Variants in ZNF185 observed in about 807,000 individuals in gnomAD.
ZNF185 encodes the protein zinc finger protein 185.
A neutral mutation model predicts 58.6 loss-of-function variants in ZNF185; 56 were observed. The ratio of observed to expected loss-of-function variants is 0.95; its 90% CI spans 0.77 to 1.19. The LOEUF (loss-of-function observed/expected upper bound fraction) is 1.19, where lower values mean the gene tolerates loss of function less well. Ranked by LOEUF, ZNF185 falls within the 50% of genes most tolerant of loss-of-function variation. The probability of loss-of-function intolerance (pLI) is 0.00; values close to 1 mark genes in which losing one functional copy is unlikely to be tolerated. For synonymous variants in ZNF185, 230 were observed against 215.9 expected (o/e 1.07, Z -0.57); for missense variants, 627 against 573.5 (o/e 1.09, Z -0.95).
At chrX:152,916,322 A>C (rs1225096783) in intron 3 of ZNF185, among the ~76,000 whole-genome samples, 2 of 110,701 alleles carry the variant, frequency 1.8e-5, no homozygotes, top group East Asian at 5.7e-4. Context: ...CTCCTCCCCT[A>C]ACTCTGAGGA....
the ZNF185 span, among the ~76,000 whole-genome samples, chrX:152,901,238 CTTTTTT>C: frequency 6.2e-5 from 6 of 96,450 alleles, no homozygotes; most frequent in African/African-American, 2.4e-4. Flanking sequence ...TTTGTTTTCA[CTTTTTT>C]TTTTTTTTTT....
At chrX:152,908,269 G>A in the ZNF185 span, among the ~76,000 whole-genome samples, 2 of 112,672 alleles carry the variant, frequency 1.8e-5, no homozygotes, top group Non-Finnish European at 3.7e-5. Flanking sequence ...CAGAGGAAGA[G>A]GAAGACTGGA....
intron 11 of ZNF185, among the ~76,000 whole-genome samples, chrX:152,926,800 A>ACCACAC (rs1459586271): frequency 2.7e-5 from 3 of 111,885 alleles, no homozygotes; most frequent in African/African-American, 9.8e-5. Context: ...GTGGCTTAAA[A>ACCACAC]CCACACGCAT....
chrX:152,922,336 G>A (rs1303088699), intron 10 of ZNF185, 80 bp downstream of exon 11: 3 of 947,191 alleles, frequency 3.2e-6, no homozygotes, highest in Non-Finnish European at 4.4e-6. Context: ...CTCAGTCAGG[G>A]CACCTCCATG....
chrX:152,940,487 T>C (rs1400746765), intron 15 of ZNF185, among the ~76,000 whole-genome samples: 1 of 110,140 alleles, frequency 9.1e-6, no homozygotes, highest in Non-Finnish European at 1.9e-5. Flanking sequence ...GATTGGCAAT[T>C]GGTTGAAAGA....
rs782606240 is a variant in ZNF185 at position 152,944,833 on chromosome X, A to G, written c.1212-434A>G. On this transcript the variant is annotated intron_variant, in intron 15 of 22. Coordinates refer to ENST00000449285, the Ensembl canonical transcript of ZNF185. ...AACCTTGTCTCTACAGAAAAAAAAA[A>G]AAATACAAAAATTAGCTGGGCGTGG... is the stretch of plus-strand genomic sequence containing the variant. Among the ~76,000 whole-genome samples, 6 of 111,596 alleles carry G rather than the reference A, an allele frequency of 5.4e-5. No homozygotes were observed. In the East Asian group the frequency reaches 1.7e-3, roughly 31 times the overall value.
At chrX:152,946,906 C>T (rs782199606) in intron 16 of ZNF185, among the ~76,000 whole-genome samples, 181 of 111,227 alleles carry the variant, frequency 1.6e-3, no homozygotes, top group African/African-American at 5.6e-3. Flanking sequence ...TGGGAGCCAC[C>T]GATGGTTTTC....
intron 14 of ZNF185, among the ~76,000 whole-genome samples, chrX:152,937,695 T>C (rs782360849): frequency 2.7e-5 from 3 of 112,339 alleles, no homozygotes; most frequent in Admixed American, 9.3e-5. Context: ...ATATAAGAAG[T>C]GGAGGTGTGC....
the ZNF185 span, among the ~76,000 whole-genome samples, chrX:152,903,814 G>T: frequency 9.0e-6 from 1 of 111,596 alleles, no homozygotes; most frequent in Non-Finnish European, 1.9e-5. Context: ...CCCAAGGAGC[G>T]GTGGGTGGCC....
exon 11 of ZNF185, chrX:152,922,763 G>C (rs782573643): frequency 5.8e-6 from 7 of 1,201,509 alleles, no homozygotes; most frequent in Non-Finnish European, 1.1e-6. Flanking sequence ...AATTTGGATC[G>C]AGTGCCTGCC....
chrX:152,944,345 A>G (rs1437897004), intron 15 of ZNF185, among the ~76,000 whole-genome samples: 2 of 112,102 alleles, frequency 1.8e-5, no homozygotes, highest in Non-Finnish European at 3.8e-5. Flanking sequence ...AGCCCCCACC[A>G]GCTATTGAAG....
chrX:152,934,307 C>T (rs1407493741), intron 14 of ZNF185, among the ~76,000 whole-genome samples: 4 of 111,918 alleles, frequency 3.6e-5, no homozygotes, highest in African/African-American at 6.5e-5. Context: ...TGATGGCTGT[C>T]GCGGAAGAGA....
intron 16 of ZNF185, among the ~76,000 whole-genome samples, chrX:152,956,458 G>A (rs56939194): frequency 0.049 from 5,468 of 111,174 alleles, 329 homozygotes; most frequent in African/African-American, 0.17. Flanking sequence ...ATTTTTATTG[G>A]CCAAGCGCGG....
rs144699283 is a variant in ZNF185 at position 152,970,369 on chromosome X, G to C, written c.1975-74G>C. The C allele has an allele frequency of 5.1e-3, 5,108 of 997,775 alleles. 44 individuals are homozygous for C. Among genetic ancestry groups the C allele is most frequent in the South Asian group, 0.03 (1,457 of 49,170 alleles). The allele number at this position is 997,775 out of a possible 1,213,427, so 82.2% of individuals were successfully genotyped here. ...GCATCTGCTCGCCCACCTTGTTCAGGCATCCCCTTCCCACTCCACTCATTC... is the reference window on the plus strand; with the variant it reads ...GCATCTGCTCGCCCACCTTGTTCAGCCATCCCCTTCCCACTCCACTCATTC... On this transcript the variant is annotated intron_variant, in intron 21 of 22. Transcript: ENST00000449285.
intron 14 of ZNF185, 151 bp from the exon 17 acceptor site, chrX:152,937,923 G>A (rs782318996): frequency 8.6e-5 from 42 of 487,682 alleles, no homozygotes; most frequent in Middle Eastern, 5.7e-4. Flanking sequence ...CAGTGGCATC[G>A]GTGCCACACT....
intron 14 of ZNF185, among the ~76,000 whole-genome samples, chrX:152,935,853 C>A (rs5969926): frequency 9.0e-6 from 1 of 111,226 alleles, no homozygotes; most frequent in Non-Finnish European, 1.9e-5. Context: ...TTCAGCATGC[C>A]GTGAGCATCA....
At chrX:152,937,843 C>G (rs2046514862) in intron 14 of ZNF185, among the ~76,000 whole-genome samples, 1 of 112,299 alleles carries the variant, frequency 8.9e-6, no homozygotes, top group Non-Finnish European at 1.9e-5. Context: ...CCAAGTTGGT[C>G]AGGGGCAGTG....
chrX:152,919,510 AC>A (rs1939264146), intron 7 of ZNF185, among the ~76,000 whole-genome samples: 1 of 111,343 alleles, frequency 9.0e-6, no homozygotes, highest in Admixed American at 9.5e-5. Context: ...CCAGGCATGC[AC>A]AGCAGTGGGA....
At chrX:152,967,129 C>T (rs887565213) in intron 19 of ZNF185, 38 bp from the exon 22 acceptor site, 3 of 1,172,182 alleles carry the variant, frequency 2.6e-6, no homozygotes, top group Non-Finnish European at 3.5e-6. Flanking sequence ...ATTTGGCTCT[C>T]ATCTCTGCCC....
Sources: allele counts gnomAD v4.1 joint callset (sites outside exome capture counted in the v4.1 genomes callset), GRCh38; gene constraint gnomAD v4.1.1; transcripts MANE v1.5; gene names NCBI Gene and HGNC (gene_info 2026-07-23, HGNC 2026-07-21).